ANKRD60: variants seen among roughly 807,000 people sequenced by gnomAD.
ANKRD60 encodes ankyrin repeat domain 60, also known as ankyrin repeat domain-containing protein 60.
A neutral mutation model predicts 21.3 loss-of-function variants in ANKRD60; 24 were observed. The observed-to-expected ratio is 1.13, with a 90% CI of 0.82 to 1.59. The LOEUF (loss-of-function observed/expected upper bound fraction) is 1.59, where lower values mean the gene tolerates loss of function less well. ANKRD60 is among the 40% of genes most tolerant of loss of function. The probability of loss-of-function intolerance (pLI) is 0.00; values close to 1 mark genes in which losing one functional copy is unlikely to be tolerated. For synonymous variants in ANKRD60, 182 were observed against 199.4 expected (o/e 0.91, Z 0.74); for missense variants, 490 against 466.7 (o/e 1.05, Z -0.46).
chr20:58,221,261 G>C (rs529085731), intron 3 of ANKRD60, 77 bp downstream of exon 3: 2 of 1,445,042 alleles, frequency 1.4e-6, no homozygotes, highest in African/African-American at 2.9e-5. Context: ...GAAGGACTGG[G>C]AACACAAGAC....
At chr20:58,216,345 G>T (rs562677660), downstream of ANKRD60, among the ~76,000 whole-genome samples, 137 of 152,320 alleles carry the variant, frequency 9.0e-4, no homozygotes, top group Non-Finnish European at 4.4e-5. Flanking sequence ...AAGATAGAAT[G>T]CTTGCCCCCA....
chr20:58,224,404 G>A (rs1313430461), intron 1 of ANKRD60, among the ~76,000 whole-genome samples: 2 of 152,166 alleles, frequency 1.3e-5, no homozygotes, highest in Non-Finnish European at 2.9e-5. Context: ...TTCCCAGACC[G>A]AGTACCTATA....
chr20:58,223,776 T>G (rs1600684448), intron 1 of ANKRD60, among the ~76,000 whole-genome samples: 1 of 152,196 alleles, frequency 6.6e-6, no homozygotes, highest in East Asian at 1.9e-4. Flanking sequence ...ACCCACTAGA[T>G]GCTAGCAGCA....
chr20:58,221,552 T>A (rs1171277605), intron 2 of ANKRD60, 49 bp from the exon 3 acceptor site: 8 of 1,539,876 alleles, frequency 5.2e-6, no homozygotes, highest in Non-Finnish European at 8.8e-7. Context: ...CGTGGCTACA[T>A]TTTGCTGGAC....
chr20:58,226,403 G>C (rs557982216), intron 1 of ANKRD60, among the ~76,000 whole-genome samples: 1 of 152,216 alleles, frequency 6.6e-6, no homozygotes, highest in East Asian at 1.9e-4. Flanking sequence ...CTGAGATTTG[G>C]GGGTCTTCAT....
chr20:58,227,618 G>T (rs1369304249), intron 1 of ANKRD60, among the ~76,000 whole-genome samples: 7 of 152,210 alleles, frequency 4.6e-5, no homozygotes, highest in Admixed American at 1.3e-4. Flanking sequence ...TTCTGGATTT[G>T]TGGGTCCTGA....
chr20:58,223,084 C>T, exon 2 of ANKRD60: 1 of 1,551,540 alleles, frequency 6.4e-7, no homozygotes, highest in Non-Finnish European at 8.7e-7. Context: ...GCCGCCAAAA[C>T]AAGTTCTGTC....
intron 1 of ANKRD60, among the ~76,000 whole-genome samples, chr20:58,224,794 T>C (rs1984332773): frequency 1.3e-5 from 2 of 152,230 alleles, no homozygotes; most frequent in Non-Finnish European, 2.9e-5. Flanking sequence ...ACAGCCCCTG[T>C]AGAGATCGGA....
downstream of ANKRD60, among the ~76,000 whole-genome samples, chr20:58,216,923 C>T (rs1275219565): frequency 6.6e-6 from 1 of 152,218 alleles, no homozygotes; most frequent in Non-Finnish European, 1.5e-5. Context: ...GAGTGGACCC[C>T]ACACGCCACC....
intron 3 of ANKRD60, 59 bp from the exon 4 acceptor site, chr20:58,218,864 T>G: frequency 6.9e-7 from 1 of 1,453,684 alleles, no homozygotes; most frequent in Non-Finnish European, 9.1e-7. Context: ...ACAGGAGGGG[T>G]CCAGGGCTGT....
chr20:58,218,500 G>A, exon 4 of ANKRD60: 2 of 1,549,990 alleles, frequency 1.3e-6, no homozygotes, highest in African/African-American at 1.4e-5. Context: ...AGGAGCTAAT[G>A]AGGGGTCATC....
chr20:58,223,595 A>G (rs1568837593), intron 1 of ANKRD60, among the ~76,000 whole-genome samples: 1 of 152,242 alleles, frequency 6.6e-6, no homozygotes, highest in Non-Finnish European at 1.5e-5. Flanking sequence ...ACTCTTGGAT[A>G]ATGTCATTAC....
At chr20:58,224,225 C>T (rs998098999) in intron 1 of ANKRD60, among the ~76,000 whole-genome samples, 4 of 152,152 alleles carry the variant, frequency 2.6e-5, no homozygotes, top group African/African-American at 9.7e-5. Context: ...CTTGGAGTAC[C>T]AGAGCTCCTT....
chr20:58,222,440 G>A (rs1984278074), intron 2 of ANKRD60, among the ~76,000 whole-genome samples: 1 of 152,200 alleles, frequency 6.6e-6, no homozygotes. Flanking sequence ...TCTTCTCCAG[G>A]AGCACATAGC....
intron 2 of ANKRD60, 64 bp downstream of exon 2, chr20:58,222,988 T>G (rs958651220): frequency 1.5e-5 from 23 of 1,487,174 alleles, no homozygotes; most frequent in Non-Finnish European, 2.0e-5. Context: ...AAGACTAATT[T>G]TCCCCCCACA....
At chr20:58,224,907 G>C (rs1394377133) in intron 1 of ANKRD60, among the ~76,000 whole-genome samples, 2 of 152,160 alleles carry the variant, frequency 1.3e-5, no homozygotes, top group African/African-American at 4.8e-5. Flanking sequence ...AGACGTGTAA[G>C]GGCAACCCTG....
exon 2 of ANKRD60, chr20:58,223,100 G>A (rs756553283): frequency 7.5e-5 from 117 of 1,551,634 alleles, no homozygotes; most frequent in Middle Eastern, 3.3e-4. Flanking sequence ...CTGTCCATCC[G>A]TCATGATGCC....
rs1436263228 is a variant in ANKRD60 at position 58,228,344 on chromosome 20, C to A, written c.310G>T (p.Gly104Trp). 1.2e-5 allele frequency: 19 copies of A among 1,550,970 alleles called. No individual in the cohort carries two copies. The highest frequency in any genetic ancestry group is 2.4e-5 in the East Asian group (1 of 40,906). ...CAGTTTGCCACTCGGAACATCTCCC[C>A]CGTCTCCTCCAGCCGCACCCGCAGG... The change falls in exon 1 of 4, where the codon GGG (glycine) becomes TGG (tryptophan). Residue 104 changes from glycine to tryptophan, a missense_variant. Transcript: ENST00000457363. The surrounding 1 kb of genome is among the most constrained non-coding windows in gnomAD (Gnocchi z 5.3).
At chr20:58,225,144 A>C (rs1363055682) in intron 1 of ANKRD60, among the ~76,000 whole-genome samples, 1 of 152,198 alleles carries the variant, frequency 6.6e-6, no homozygotes, top group Admixed American at 6.5e-5. Flanking sequence ...CGAGCTTCTA[A>C]CAGTTGCTAA....
Sources: gnomAD v4.1 joint callset for allele counts (sites outside exome capture counted in the v4.1 genomes callset) on GRCh38, gnomAD v4.1.1 for gene constraint, Gnocchi (gnomAD v3.1) non-coding constraint, MANE v1.5 for transcripts, NCBI Gene and HGNC (gene_info 2026-07-23, HGNC 2026-07-21) for gene names.